Variants in KCNIP4 observed in about 807,000 individuals in gnomAD.
KCNIP4 encodes Kv channel-interacting protein 4.
In KCNIP4, 12 loss-of-function variants were observed where a neutral mutation model predicts 34.0. The ratio of observed to expected loss-of-function variants is 0.35; its 90% confidence interval spans 0.23 to 0.57. The LOEUF (loss-of-function observed/expected upper bound fraction) is 0.57. KCNIP4 is among the 20% of genes least tolerant of loss of function. KCNIP4 has a pLI of 0.83. For missense variants in KCNIP4, 238 were observed against 311.7 expected (o/e 0.76, Z 1.78); for synonymous variants, 124 against 102.2 (o/e 1.21, Z -1.29).
At chr4:21,127,380 A>G (rs1750712337) in intron 1 of KCNIP4, among the ~76,000 whole-genome samples, 1 of 152,186 alleles carries the variant, frequency 6.6e-6, no homozygotes, top group Admixed American at 6.5e-5. Context: ...TTTTGTGACA[A>G]CCCAAACACA....
chr4:20,799,419 T>C (rs1370540361), intron 3 of KCNIP4, among the ~76,000 whole-genome samples: 2 of 152,148 alleles, frequency 1.3e-5, no homozygotes, highest in African/African-American at 4.8e-5. Context: ...CACATAGCCA[T>C]GCTTTCTGGA....
At chr4:20,941,877 G>A (rs980741875) in intron 1 of KCNIP4, among the ~76,000 whole-genome samples, 1 of 152,062 alleles carries the variant, frequency 6.6e-6, no homozygotes, top group African/African-American at 2.4e-5. Flanking sequence ...CATTTCTGTA[G>A]GACCGGAGTT....
At chr4:21,832,545 T>A (rs1317514207) in intron 1 of KCNIP4, among the ~76,000 whole-genome samples, 2 of 151,750 alleles carry the variant, frequency 1.3e-5, no homozygotes, top group African/African-American at 4.8e-5. Context: ...CCAAAACAAT[T>A]CCAGATGAAT....
chr4:21,940,854 G>GT (rs543428000), intron 1 of KCNIP4, among the ~76,000 whole-genome samples: 22 of 151,322 alleles, frequency 1.5e-4, no homozygotes, highest in South Asian at 2.1e-4. Context: ...TATTATTTTA[G>GT]TTTTTTTTTC....
At chr4:20,810,055 T>C (rs1715534157) in intron 3 of KCNIP4, among the ~76,000 whole-genome samples, 1 of 152,188 alleles carries the variant, frequency 6.6e-6, no homozygotes, top group Admixed American at 6.5e-5. Flanking sequence ...CAGGCCAAGG[T>C]GAGCACTCTG....
intron 1 of KCNIP4, among the ~76,000 whole-genome samples, chr4:21,602,272 T>A (rs1743241973): frequency 6.6e-6 from 1 of 152,158 alleles, no homozygotes; most frequent in African/African-American, 2.4e-5. Flanking sequence ...TCAAACTGTT[T>A]CATAACTATT....
intron 1 of KCNIP4, among the ~76,000 whole-genome samples, chr4:21,085,273 C>T (rs1042209306): frequency 5.3e-5 from 8 of 152,094 alleles, no homozygotes; most frequent in Non-Finnish European, 1.0e-4. Flanking sequence ...CAGCTATCGG[C>T]AAACCAGAAA....
intron 1 of KCNIP4, among the ~76,000 whole-genome samples, chr4:21,074,833 T>C (rs1463485337): frequency 1.3e-5 from 2 of 152,208 alleles, no homozygotes; most frequent in Non-Finnish European, 2.9e-5. Context: ...TACTGCTATG[T>C]TGTGTCTTTG....
intron 2 of KCNIP4, among the ~76,000 whole-genome samples, chr4:20,881,713 G>C (rs971591785): frequency 2.0e-5 from 3 of 152,198 alleles, no homozygotes; most frequent in African/African-American, 7.2e-5. Context: ...AAGTTCGGCA[G>C]GCTATAGTAC....
chr4:21,462,720 A>C (rs1159548976), intron 1 of KCNIP4, among the ~76,000 whole-genome samples: 3 of 80,496 alleles, frequency 3.7e-5, no homozygotes, highest in Non-Finnish European at 8.3e-5. Context: ...TTATATTGTC[A>C]CAAATGATAT....
chr4:21,705,931 T>C (rs1288727656), intron 1 of KCNIP4, among the ~76,000 whole-genome samples: 3 of 152,156 alleles, frequency 2.0e-5, no homozygotes, highest in Non-Finnish European at 2.9e-5. Context: ...GGAAAGTAAT[T>C]ACTAATCACC....
chr4:21,530,517 A>T (rs1736584128), intron 1 of KCNIP4, among the ~76,000 whole-genome samples: 1 of 152,168 alleles, frequency 6.6e-6, no homozygotes, highest in Non-Finnish European at 1.5e-5. Context: ...AATTTTTAAG[A>T]TACCAGCAAA....
intron 3 of KCNIP4, among the ~76,000 whole-genome samples, chr4:20,800,198 G>A (rs1179163901): frequency 6.6e-6 from 1 of 152,178 alleles, no homozygotes; most frequent in Non-Finnish European, 1.5e-5. Flanking sequence ...AATTGAAGAA[G>A]CTGCATACAG....
rs953207227 is a variant in KCNIP4, at chr4:21,930,356, G to A, written c.61+18215C>T. On this transcript the variant is annotated intron_variant, in intron 1 of 8. Transcript: ENST00000382152. ...TCAGGTCTCCTGGTCTACATTGTTC[G>A]TACCATTTTTCTAACTAGTTCCCAT... Among the ~76,000 whole-genome samples the A allele has an allele frequency of 2.6e-5, 4 of 152,032 alleles. No individual in the cohort carries two copies. In the South Asian group the frequency reaches 6.2e-4, roughly 24 times the overall value.
intron 1 of KCNIP4, among the ~76,000 whole-genome samples, chr4:20,971,483 T>TG (rs971077593): frequency 6.6e-6 from 1 of 151,874 alleles, no homozygotes; most frequent in Admixed American, 6.6e-5. Flanking sequence ...ACCATACTTT[T>TG]TTTTTTGTTT....
chr4:21,137,605 A>C (rs1315382670), intron 1 of KCNIP4, among the ~76,000 whole-genome samples: 1 of 152,186 alleles, frequency 6.6e-6, no homozygotes, highest in African/African-American at 2.4e-5. Flanking sequence ...TCTGTGTTAA[A>C]GTAATGTTTT....
At chr4:21,490,772 G>A (rs1228953174) in intron 1 of KCNIP4, among the ~76,000 whole-genome samples, 1 of 152,160 alleles carries the variant, frequency 6.6e-6, no homozygotes, top group East Asian at 1.9e-4. Context: ...GCAAATGAAA[G>A]GAACTGGCAT....
At chr4:20,868,289 A>C (rs1296710863) in intron 2 of KCNIP4, among the ~76,000 whole-genome samples, 4 of 152,112 alleles carry the variant, frequency 2.6e-5, no homozygotes, top group African/African-American at 9.7e-5. Flanking sequence ...TCTAAATTAC[A>C]ATGAGATACC....
At chr4:21,257,233 G>A (rs1228732761) in intron 1 of KCNIP4, among the ~76,000 whole-genome samples, 1 of 152,108 alleles carries the variant, frequency 6.6e-6, no homozygotes. Context: ...TGGCATGTTC[G>A]ATTTGAGACG....
Sources: allele counts gnomAD v4.1 joint callset (sites outside exome capture counted in the v4.1 genomes callset), GRCh38; gene constraint gnomAD v4.1.1; transcripts MANE v1.5; gene names NCBI Gene and HGNC (gene_info 2026-07-23, HGNC 2026-07-21).